Variants in PTPRB observed in about 807,000 individuals in gnomAD.
The protein encoded by PTPRB is receptor-type tyrosine-protein phosphatase beta.
In PTPRB, 97 loss-of-function variants were observed where a neutral mutation model predicts 238.1. That is an observed-to-expected ratio of 0.41 (90% CI 0.35 to 0.48). The LOEUF (loss-of-function observed/expected upper bound fraction) is 0.48, where lower values mean the gene tolerates loss of function less well. PTPRB is among the 20% of genes least tolerant of loss of function. The pLI, the probability that PTPRB is intolerant of heterozygous loss-of-function variation, is 0.30. For missense variants in PTPRB, 2,292 were observed against 2,681.9 expected (o/e 0.85, Z 3.21); for synonymous variants, 970 against 995.4 (o/e 0.97, Z 0.48).
rs1463021469 is a variant in PTPRB at position 70,534,951 on chromosome 12, T to C, written c.6086A>G (p.Lys2029Arg). ...VTQCVEKGRV[K>R]CDHYWPADQD... ...GTCCGCTGGCCAGTAATGATCACAC[T>C]TTACCTAGAACAGGACAGACAGAAA... Residue 2029 changes from lysine (K) to arginine (R), a missense_variant, in exon 30 of 34, where the codon AAG (lysine) becomes AGG (arginine). By Grantham distance (26) the Lys-to-Arg change is conservative (BLOSUM62 2). Around this residue, in one of 4 missense-constraint regions of PTPRB, gnomAD observed 397 missense variants for 502.0 expected, o/e 0.79. Coordinates refer to ENST00000334414, the MANE Select transcript of PTPRB (RefSeq NM_001109754.4). 6.2e-7 allele frequency: 1 copy of C among 1,613,376 alleles called. No homozygotes were observed. The highest frequency in any genetic ancestry group is 8.5e-7 in the Non-Finnish European group (1 of 1,179,602).
Position 70,594,583 on chromosome 12 carries a change from T to A in PTPRB, c.1400A>T (p.Asp467Val), listed in dbSNP as rs779771542. The A allele has an allele frequency of 1.3e-5, 21 of 1,614,000 alleles. No individual in the cohort carries two copies. Among genetic ancestry groups the A allele is most frequent in the Non-Finnish European group, 1.8e-5 (21 of 1,179,894 alleles). Residue 467 changes from aspartate to valine, a missense_variant, in exon 6 of 34, where the codon GAC (aspartate) becomes GTC (valine). By Grantham distance (152) the Asp-to-Val change is radical (BLOSUM62 -3). Coordinates refer to ENST00000334414, the MANE Select transcript of PTPRB (RefSeq NM_001109754.4). ...AAAAGCATAGGAAGTAGCATGTTTG[T>A]CCACAACACCGCCATGAACTAGGAT... ...KGILVHGGVV[D>V]KHATSYAFHG...
chr12:70,525,594 A>C (rs563241779), intron 32 of PTPRB, among the ~76,000 whole-genome samples: 142 of 152,314 alleles, frequency 9.3e-4, no homozygotes, highest in African/African-American at 3.3e-3. Flanking sequence ...TAGATATAGA[A>C]GAGTCAGTGC....
At chr12:70,554,526 G>A (rs982877400) in intron 20 of PTPRB, among the ~76,000 whole-genome samples, 1 of 152,226 alleles carries the variant, frequency 6.6e-6, no homozygotes, top group Non-Finnish European at 1.5e-5. Context: ...TGTATGTGAT[G>A]TTGTGATAAC....
chr12:70,550,708 T>C (rs143166347), intron 21 of PTPRB, among the ~76,000 whole-genome samples: 362 of 152,224 alleles, frequency 2.4e-3, no homozygotes, highest in Non-Finnish European at 3.6e-3. Context: ...ACACAAATTT[T>C]TTATAGCTTC....
At chr12:70,618,125 G>A (rs1884761998) in intron 3 of PTPRB, among the ~76,000 whole-genome samples, 5 of 152,072 alleles carry the variant, frequency 3.3e-5, no homozygotes, top group Non-Finnish European at 5.9e-5. Context: ...TTTGAAACAG[G>A]GTCTCATTCT....
chr12:70,589,890 G>A (rs545759540), intron 8 of PTPRB, 74 bp downstream of exon 8: 21 of 1,437,646 alleles, frequency 1.5e-5, no homozygotes, highest in Non-Finnish European at 2.0e-5. Context: ...AGCAGTTACG[G>A]CAGTTACCTG....
chr12:70,576,526 C>T lies in PTPRB; in HGVS notation c.2698G>A (p.Gly900Ser). 2 of 1,564,688 alleles carry T rather than the reference C, an allele frequency of 1.3e-6. No individual in the cohort carries two copies. Among genetic ancestry groups the T allele is most frequent in the South Asian group, 1.2e-5 (1 of 85,238 alleles). Residue 900 changes from glycine (G) to serine (S), a missense_variant, in exon 11 of 34, where the codon GGC becomes AGC. Physicochemically the swap from Gly to Ser is moderately conservative, Grantham distance 56 (BLOSUM62 0). Coordinates refer to ENST00000334414, the MANE Select transcript of PTPRB (RefSeq NM_001109754.4). ...ATGACAAGGGACTGAACCACCTTGCCGTCATGAGACAATGTTACCTCATAG... is the reference window on the plus strand; with the variant it reads ...ATGACAAGGGACTGAACCACCTTGCTGTCATGAGACAATGTTACCTCATAG... The part of the protein sequence containing the change: ...DNYEVTLSHD[G>S]KVVQSLVIAK...
chr12:70,528,644 C>T (rs573957689), intron 32 of PTPRB, among the ~76,000 whole-genome samples: 15 of 152,020 alleles, frequency 9.9e-5, no homozygotes, highest in East Asian at 1.9e-4. Flanking sequence ...TATCTCCCCA[C>T]GTAAATAAAC....
chr12:70,527,245 A>G (rs147051466), intron 32 of PTPRB, among the ~76,000 whole-genome samples: 107 of 152,318 alleles, frequency 7.0e-4, no homozygotes, highest in Middle Eastern at 3.4e-3. Flanking sequence ...ACAATTGTGT[A>G]TAAGGTTTCA....
chr12:70,591,838 C>A (rs569117895), intron 7 of PTPRB: 86 of 163,666 alleles, frequency 5.3e-4, no homozygotes, highest in Admixed American at 1.4e-3. Flanking sequence ...TCTGCTGGAT[C>A]CTGCCTTAAA....
intron 20 of PTPRB, among the ~76,000 whole-genome samples, chr12:70,553,677 A>G (rs1224547687): frequency 2.0e-5 from 3 of 152,266 alleles, no homozygotes; most frequent in African/African-American, 7.2e-5. Flanking sequence ...AAGTAGAAAG[A>G]TAAATACTAT....
intron 31 of PTPRB, 69 bp from the exon 32 acceptor site, chr12:70,532,239 C>T (rs1380214122): frequency 4.1e-6 from 6 of 1,453,566 alleles, no homozygotes; most frequent in Non-Finnish European, 4.6e-6. Flanking sequence ...CATCTAGAGA[C>T]TCTGGCACAA....
At chr12:70,526,408 G>T (rs1449338607) in intron 32 of PTPRB, among the ~76,000 whole-genome samples, 2 of 152,276 alleles carry the variant, frequency 1.3e-5, no homozygotes, top group South Asian at 4.2e-4. Context: ...ATCTTGCTCT[G>T]TTGCCCAGGC....
intron 14 of PTPRB, among the ~76,000 whole-genome samples, chr12:70,567,025 G>A (rs561164704): frequency 6.6e-6 from 1 of 152,238 alleles, no homozygotes; most frequent in East Asian, 1.9e-4. Flanking sequence ...AGAATGCTGA[G>A]CAAGTTCATG....
At chr12:70,522,863 CTTTTTTTT>C (rs35913444) in intron 33 of PTPRB, among the ~76,000 whole-genome samples, 14 of 118,238 alleles carry the variant, frequency 1.2e-4, no homozygotes, top group Non-Finnish European at 1.7e-5. Flanking sequence ...TTTGTTTTTT[CTTTTTTTT>C]TTTTTTTTTG....
chr12:70,592,382 T>C lies in PTPRB; in HGVS notation c.1680A>G (p.Glu560=), dbSNP rs1430472964. Residue 560 remains glutamate, a synonymous_variant, in exon 7 of 34, where the codon GAA becomes GAG. Transcript: ENST00000334414. ...CGGGGACTAACTCTTTAAAGTGAGT[T>C]TCAGTAATCCAAGGTGCTAATACTC... is the stretch of plus-strand genomic sequence containing the variant. ...ESRVLAPWIT[E]THFKELVPGR... 1.2e-6 allele frequency: 2 copies of C among 1,613,940 alleles called. No individual in the cohort carries two copies. Among genetic ancestry groups the C allele is most frequent in the Non-Finnish European group, 1.7e-6 (2 of 1,179,846 alleles).
At chr12:70,600,787 C>T (rs1215051214) in intron 4 of PTPRB, among the ~76,000 whole-genome samples, 2 of 152,178 alleles carry the variant, frequency 1.3e-5, no homozygotes, top group Non-Finnish European at 2.9e-5. Context: ...TCTCAACCTC[C>T]TGGGCTCAAG....
chr12:70,611,843 T>TTTGTGCCCAAGTTCAGTGGC (rs1438746486), intron 3 of PTPRB, among the ~76,000 whole-genome samples: 14 of 152,170 alleles, frequency 9.2e-5, no homozygotes, highest in African/African-American at 3.4e-4. Context: ...TACTCTGTAT[T>TTTGTGCCCAAGTTCAGTGGC]TTGTGCCCAA....
At chr12:70,622,691 A>C (rs776193609) in intron 2 of PTPRB, 45 bp from the exon 3 acceptor site, 1 of 1,496,774 alleles carries the variant, frequency 6.7e-7, no homozygotes, top group African/African-American at 1.4e-5. Flanking sequence ...CTCATGTTTT[A>C]TGAATTCTTC....
Sources: allele counts gnomAD v4.1 joint callset (sites outside exome capture counted in the v4.1 genomes callset), GRCh38; gene constraint gnomAD v4.1.1; regional missense constraint gnomAD v4.1.1; transcripts MANE v1.5; gene names NCBI Gene and HGNC (gene_info 2026-07-23, HGNC 2026-07-21).